OSBPL1A: variants seen among roughly 807,000 people sequenced by gnomAD.
The protein encoded by OSBPL1A is oxysterol binding protein like 1A.
Under a neutral mutation model 137.1 loss-of-function variants are expected in OSBPL1A, and 80 were observed. That is an observed-to-expected ratio of 0.58 (90% CI 0.49 to 0.70). The LOEUF is 0.70. OSBPL1A is among the 30% of genes least tolerant of loss of function. OSBPL1A has a pLI of 0.00. For synonymous variants in OSBPL1A, 365 were observed against 389.7 expected (o/e 0.94, Z 0.75); for missense variants, 970 against 1,129.4 (o/e 0.86, Z 2.02).
intron 17 of OSBPL1A, among the ~76,000 whole-genome samples, chr18:24,196,558 T>C (rs188628624): frequency 4.7e-4 from 72 of 152,360 alleles, no homozygotes; most frequent in South Asian, 4.6e-3. Flanking sequence ...ACCTACCATG[T>C]TCTGATACTT....
chr18:24,170,303 G>T, intron 24 of OSBPL1A, 24 bp downstream of exon 24: 2 of 1,613,420 alleles, frequency 1.2e-6, no homozygotes, highest in South Asian at 2.2e-5. Flanking sequence ...TTATTCCTTC[G>T]ATACCACCTT....
chr18:24,185,440 C>T (rs2086722205), intron 18 of OSBPL1A, among the ~76,000 whole-genome samples: 1 of 152,062 alleles, frequency 6.6e-6, no homozygotes, highest in African/African-American at 2.4e-5. Context: ...CTGCCTCAGC[C>T]TCCCAAGGAG....
At chr18:24,362,197 T>C (rs180834531) in intron 4 of OSBPL1A, among the ~76,000 whole-genome samples, 3 of 151,720 alleles carry the variant, frequency 2.0e-5, no homozygotes, top group Admixed American at 2.0e-4. Context: ...TAGAAATAGA[T>C]GACAATAGAA....
chr18:24,264,640 T>C (rs903140111), intron 15 of OSBPL1A, among the ~76,000 whole-genome samples: 1 of 152,178 alleles, frequency 6.6e-6, no homozygotes, highest in African/African-American at 2.4e-5. Context: ...ACACAGGTAT[T>C]CTGTGCAAAA....
chr18:24,355,581 A>G lies in OSBPL1A; in HGVS notation c.282+11311T>C, dbSNP rs2632439. Among the ~76,000 whole-genome samples the G allele has an allele frequency of 1.3e-3, 192 of 152,196 alleles. 2 individuals carry two copies. Among genetic ancestry groups the G allele is most frequent in the African/African-American group, 3.8e-3 (158 of 41,540 alleles). On this transcript the variant is annotated intron_variant, in intron 4 of 27. Transcript: ENST00000319481. ...GGCCTCTTGACATCTCTTAATGGGG[A>G]CCATTTCTTTTTCCCTGATCCTAGG...
chr18:24,327,918 T>C (rs955415688), intron 7 of OSBPL1A, among the ~76,000 whole-genome samples: 2 of 152,042 alleles, frequency 1.3e-5, no homozygotes, highest in African/African-American at 4.8e-5. Flanking sequence ...ACTATATTAA[T>C]TCTTATTTCA....
Position 24,225,275 on chromosome 18 carries a change from T to C in OSBPL1A, c.1445-77A>G, listed in dbSNP as rs915353897. The stretch of plus-strand genomic sequence containing the variant: ...CCGTAACAATGGATCCCTCCCTTCA[T>C]GCCTCAGGCTTTGAAACCTAAGCAG... On this transcript the variant is annotated intron_variant, in intron 16 of 27. Transcript: ENST00000319481. The C allele has an allele frequency of 3.4e-5, 51 of 1,514,738 alleles. No homozygotes were observed. In the African/African-American group the frequency reaches 6.3e-4, roughly 19 times the overall value. The allele number at this position is 1,514,738 out of a possible 1,614,324, so 93.8% of individuals were successfully genotyped here.
chr18:24,218,480 G>C (rs574791661), intron 17 of OSBPL1A: 1 of 152,132 alleles, frequency 6.6e-6, no homozygotes, highest in Admixed American at 6.6e-5. Context: ...GTCTCGCTCC[G>C]TCACCCAGGC....
intron 17 of OSBPL1A, among the ~76,000 whole-genome samples, chr18:24,215,978 A>G (rs1446195350): frequency 6.6e-6 from 1 of 152,252 alleles, no homozygotes; most frequent in Non-Finnish European, 1.5e-5. Flanking sequence ...CCTGGGGATT[A>G]TAAGTGTTTG....
chr18:24,342,241 T>A (rs189003010), intron 4 of OSBPL1A, among the ~76,000 whole-genome samples: 39 of 152,330 alleles, frequency 2.6e-4, no homozygotes, highest in African/African-American at 9.4e-4. Context: ...ATATATTACA[T>A]ATTTTTATTT....
At chr18:24,246,327 A>T (rs1221556417) in intron 15 of OSBPL1A, among the ~76,000 whole-genome samples, 1 of 152,148 alleles carries the variant, frequency 6.6e-6, no homozygotes, top group Non-Finnish European at 1.5e-5. Flanking sequence ...TGAAATGAGT[A>T]AGGGATGTGC....
At chr18:24,242,131 TG>T (rs1447817574) in intron 15 of OSBPL1A, among the ~76,000 whole-genome samples, 2 of 86,782 alleles carry the variant, frequency 2.3e-5, no homozygotes, top group African/African-American at 9.2e-5. Flanking sequence ...TGTTGGGGGG[TG>T]GGGGGCAAGG....
chr18:24,190,377 A>G (rs1367899281), intron 18 of OSBPL1A, among the ~76,000 whole-genome samples: 1 of 141,092 alleles, frequency 7.1e-6, no homozygotes, highest in Non-Finnish European at 1.5e-5. Flanking sequence ...AAAAAAAAGT[A>G]CTTAATCTCC....
intron 13 of OSBPL1A, among the ~76,000 whole-genome samples, chr18:24,309,227 A>G (rs1283430186): frequency 6.6e-6 from 1 of 152,258 alleles, no homozygotes; most frequent in South Asian, 2.1e-4. Flanking sequence ...AATATTTTCA[A>G]GTTGCTATTA....
At chr18:24,168,119 G>C (rs1025389881) in intron 24 of OSBPL1A, among the ~76,000 whole-genome samples, 2 of 152,022 alleles carry the variant, frequency 1.3e-5, no homozygotes, top group African/African-American at 4.8e-5. Flanking sequence ...TAATATTTTT[G>C]AGATAGGGTC....
chr18:24,207,893 G>T (rs2087421311), intron 17 of OSBPL1A, among the ~76,000 whole-genome samples: 1 of 152,090 alleles, frequency 6.6e-6, no homozygotes, highest in Non-Finnish European at 1.5e-5. Flanking sequence ...CTACAAGCGT[G>T]TGTTACAACA....
intron 19 of OSBPL1A, among the ~76,000 whole-genome samples, chr18:24,180,855 C>T (rs1242899508): frequency 6.6e-6 from 1 of 151,588 alleles, no homozygotes; most frequent in African/African-American, 2.4e-5. Context: ...CCAGCCTGGG[C>T]GACAGAGCGA....
rs1009815077 is a variant in OSBPL1A, at chr18:24,169,368, G to T, written c.2418+959C>A. Among the ~76,000 whole-genome samples, 2 of 152,174 alleles carry T rather than the reference G, an allele frequency of 1.3e-5. 1 individual carries two copies. The highest frequency in any genetic ancestry group is 1.3e-4 in the Admixed American group (2 of 15,270). On this transcript the variant is annotated intron_variant, in intron 24 of 27. Transcript: ENST00000319481. ...TAAAGAGCCCCAGAGACTGGTCTTC[G>T]GTAGGTCTGAGGTGAAGCTGGGCCG...
intron 16 of OSBPL1A, among the ~76,000 whole-genome samples, chr18:24,237,540 A>C (rs2088526992): frequency 6.6e-6 from 1 of 152,188 alleles, no homozygotes; most frequent in Non-Finnish European, 1.5e-5. Context: ...TCTGGGCTCA[A>C]GATGTCCTCC....
Sources: gnomAD v4.1 joint callset for allele counts (sites outside exome capture counted in the v4.1 genomes callset) on GRCh38, gnomAD v4.1.1 for gene constraint, MANE v1.5 for transcripts, NCBI Gene and HGNC (gene_info 2026-07-23, HGNC 2026-07-21) for gene names.